The following LINGO2 variants were observed in gnomAD, a reference collection of about 807,000 sequenced individuals.
LINGO2 encodes the protein leucine-rich repeat and immunoglobulin-like domain-containing nogo receptor-interacting protein 2.
Under a neutral mutation model 30.6 loss-of-function variants are expected in LINGO2, and 14 were observed. That is an observed-to-expected ratio of 0.46 (90% CI 0.30 to 0.72). The LOEUF is 0.72. Among genes scored for constraint, LINGO2 ranks in the 30% least tolerant of loss-of-function variants. LINGO2 has a pLI of 0.07. For missense variants in LINGO2, 729 were observed against 751.7 expected (o/e 0.97, Z 0.35); for synonymous variants, 317 against 288.5 (o/e 1.10, Z -1.00).
the LINGO2 span, among the ~76,000 whole-genome samples, chr9:28,851,569 A>G: frequency 6.6e-6 from 1 of 152,068 alleles, no homozygotes; most frequent in Non-Finnish European, 1.5e-5. Context: ...TTAGGACATA[A>G]CATCTATGAG....
chr9:28,695,431 T>G, the LINGO2 span, among the ~76,000 whole-genome samples: 61 of 152,084 alleles, frequency 4.0e-4, no homozygotes, highest in South Asian at 5.8e-3. Flanking sequence ...TAGGACAATT[T>G]GTCAATAACT....
chr9:28,966,847 T>A, the LINGO2 span, among the ~76,000 whole-genome samples: 2 of 151,830 alleles, frequency 1.3e-5, no homozygotes, highest in African/African-American at 2.4e-5. Context: ...ATAAGTAGAG[T>A]ATATTGTTTT....
chr9:29,061,913 G>T, the LINGO2 span, among the ~76,000 whole-genome samples: 1 of 151,978 alleles, frequency 6.6e-6, no homozygotes, highest in Admixed American at 6.6e-5. Flanking sequence ...GAAAATATTT[G>T]CAAGTCACAT....
intron 1 of LINGO2, among the ~76,000 whole-genome samples, chr9:28,491,157 G>C (rs1826381059): frequency 6.6e-6 from 1 of 152,138 alleles, no homozygotes; most frequent in Non-Finnish European, 1.5e-5. Flanking sequence ...TTTTCTTCAA[G>C]CTCTGGAAGT....
the LINGO2 span, among the ~76,000 whole-genome samples, chr9:29,141,394 A>G: frequency 2.6e-5 from 4 of 152,030 alleles, no homozygotes; most frequent in East Asian, 7.7e-4. Context: ...TGGAAACTAC[A>G]AAGAAAATAC....
intron 3 of LINGO2, among the ~76,000 whole-genome samples, chr9:28,350,342 T>G (rs571806781): frequency 2.2e-3 from 307 of 142,218 alleles, no homozygotes; most frequent in African/African-American, 7.7e-3. Flanking sequence ...AAGGCAGGGG[T>G]TGCAATCCTA....
At chr9:28,460,913 T>C (rs1432371643) in intron 2 of LINGO2, among the ~76,000 whole-genome samples, 1 of 152,118 alleles carries the variant, frequency 6.6e-6, no homozygotes, top group South Asian at 2.1e-4. Context: ...GTCTAGAAAC[T>C]GTTGTATCAT....
chr9:28,058,545 A>G (rs1483111210), intron 4 of LINGO2, among the ~76,000 whole-genome samples: 1 of 152,206 alleles, frequency 6.6e-6, no homozygotes, highest in African/African-American at 2.4e-5. Context: ...TGAAGTAGAT[A>G]AATGACTTTA....
chr9:28,528,013 A>T (rs1206416957), intron 1 of LINGO2, among the ~76,000 whole-genome samples: 3 of 152,198 alleles, frequency 2.0e-5, no homozygotes, highest in Non-Finnish European at 2.9e-5. Flanking sequence ...AATGTCAAAA[A>T]TATCCAATTT....
At chr9:28,525,869 C>G (rs780503556) in intron 1 of LINGO2, among the ~76,000 whole-genome samples, 1 of 151,898 alleles carries the variant, frequency 6.6e-6, no homozygotes, top group South Asian at 2.1e-4. Flanking sequence ...TCCTGGCTAA[C>G]GCGGTGAAAC....
At chr9:28,423,087 C>T (rs1009859774) in intron 2 of LINGO2, among the ~76,000 whole-genome samples, 18 of 151,934 alleles carry the variant, frequency 1.2e-4, no homozygotes, top group Admixed American at 3.3e-4. Flanking sequence ...CGAAAAGAGT[C>T]CCAAAGGTTG....
chr9:28,524,164 T>A (rs1253634979), intron 1 of LINGO2, among the ~76,000 whole-genome samples: 1 of 152,062 alleles, frequency 6.6e-6, no homozygotes, highest in Non-Finnish European at 1.5e-5. Flanking sequence ...CCAAGATAAT[T>A]AAAAGTGAAA....
intron 1 of LINGO2, among the ~76,000 whole-genome samples, chr9:28,638,720 A>G (rs1048605017): frequency 1.3e-5 from 2 of 151,616 alleles, no homozygotes; most frequent in African/African-American, 4.9e-5. Context: ...TTTCTTCTTT[A>G]TTAGTCTTGC....
At chr9:28,951,746 C>G in the LINGO2 span, among the ~76,000 whole-genome samples, 6 of 152,236 alleles carry the variant, frequency 3.9e-5, no homozygotes, top group East Asian at 1.2e-3. Flanking sequence ...TCCCCAAGCC[C>G]TAAGGGTGGA....
At chr9:28,666,352 C>A (rs116383743) in intron 1 of LINGO2, among the ~76,000 whole-genome samples, 4,156 of 152,200 alleles carry the variant, frequency 0.027, 195 homozygotes, top group African/African-American at 0.094. Flanking sequence ...AATGTCAAGA[C>A]TTTCCTTTGA....
intron 4 of LINGO2, among the ~76,000 whole-genome samples, chr9:28,293,751 G>A (rs1472924273): frequency 6.6e-6 from 1 of 152,062 alleles, no homozygotes; most frequent in South Asian, 2.1e-4. Flanking sequence ...ACCCAATTTT[G>A]TGGTAAATTC....
At chr9:28,791,018 T>C in the LINGO2 span, among the ~76,000 whole-genome samples, 1 of 152,168 alleles carries the variant, frequency 6.6e-6, no homozygotes. Flanking sequence ...CAAAGTTTTT[T>C]TAAAACATTA....
intron 4 of LINGO2, among the ~76,000 whole-genome samples, chr9:28,050,818 A>G (rs1010416265): frequency 2.0e-5 from 3 of 150,982 alleles, no homozygotes; most frequent in Non-Finnish European, 2.9e-5. Context: ...ATTCACATAG[A>G]GGAATAACAT....
chr9:28,809,383 G>C, the LINGO2 span, among the ~76,000 whole-genome samples: 9 of 152,260 alleles, frequency 5.9e-5, no homozygotes, highest in East Asian at 1.7e-3. Flanking sequence ...CATAGCCCTT[G>C]GCAAGTTTCC....
Sources: gnomAD v4.1 joint callset for allele counts (sites outside exome capture counted in the v4.1 genomes callset) on GRCh38, gnomAD v4.1.1 for gene constraint, MANE v1.5 for transcripts, NCBI Gene and HGNC (gene_info 2026-07-23, HGNC 2026-07-21) for gene names.